NOX4: variants seen among roughly 807,000 people sequenced by gnomAD.
The protein encoded by NOX4 is NADPH oxidase 4.
In NOX4, 69 loss-of-function variants were observed where a neutral mutation model predicts 87.6. The ratio of observed to expected loss-of-function variants is 0.79; its 90% CI spans 0.65 to 0.96. The LOEUF (loss-of-function observed/expected upper bound fraction) is 0.96. NOX4 is among the 40% of genes least tolerant of loss of function. The pLI is 0.00. For missense variants in NOX4, 680 were observed against 681.5 expected (o/e 1.00, Z 0.02); for synonymous variants, 275 against 238.2 (o/e 1.15, Z -1.42).
At chr11:89,354,390 C>T (rs2134973316) in intron 13 of NOX4, among the ~76,000 whole-genome samples, 1 of 152,166 alleles carries the variant, frequency 6.6e-6, no homozygotes, top group East Asian at 1.9e-4. Flanking sequence ...AGGCATATTC[C>T]TTCAACAAGG....
In NOX4 at chr11:89,360,755, G is replaced by GA. The variant is rs528496828; in HGVS notation, c.1136-5713dup. Reference sequence around the variant, plus strand: ...ACAAGGAATTAAAACAAATCAACAAGAAAAAAACAAATAATCCCATCAAAA... The same window carrying GA: ...ACAAGGAATTAAAACAAATCAACAAGAAAAAAAACAAATAATCCCATCAAAA... On this transcript the variant is annotated intron_variant, in intron 12 of 17. Coordinates refer to ENST00000263317, the MANE Select transcript of NOX4 (RefSeq NM_016931.5). 2.0e-3 allele frequency among the ~76,000 whole-genome samples: 297 copies of GA among 151,858 alleles called. 3 individuals carry two copies. The highest frequency in any genetic ancestry group is 6.9e-3 in the African/African-American group (287 of 41,438).
At chr11:89,410,632 C>T (rs773111632) in intron 8 of NOX4, among the ~76,000 whole-genome samples, 1 of 152,174 alleles carries the variant, frequency 6.6e-6, no homozygotes, top group Non-Finnish European at 1.5e-5. Context: ...TGAAAAGCAA[C>T]ACCAGGAGGA....
At chr11:89,466,244 T>C (rs997665836) in intron 2 of NOX4, among the ~76,000 whole-genome samples, 12 of 152,252 alleles carry the variant, frequency 7.9e-5, no homozygotes, top group African/African-American at 2.9e-4. Context: ...CCATTTAAAG[T>C]AAGTTATTGA....
At chr11:89,470,348 A>G (rs1945878320) in intron 2 of NOX4, among the ~76,000 whole-genome samples, 1 of 152,152 alleles carries the variant, frequency 6.6e-6, no homozygotes, top group African/African-American at 2.4e-5. Context: ...GTATAAACTG[A>G]GCTTTATTTC....
At chr11:89,486,064 T>G (rs927302801) in intron 2 of NOX4, among the ~76,000 whole-genome samples, 1 of 152,036 alleles carries the variant, frequency 6.6e-6, no homozygotes, top group African/African-American at 2.4e-5. Context: ...AATTAAGATC[T>G]TATTTTTTCT....
At chr11:89,567,422 C>T in the NOX4 span, among the ~76,000 whole-genome samples, 4 of 152,158 alleles carry the variant, frequency 2.6e-5, no homozygotes, top group African/African-American at 7.2e-5. Flanking sequence ...CCAGTCTATT[C>T]GTTCATTCTC....
At chr11:89,365,070 T>G (rs1252013210) in intron 12 of NOX4, among the ~76,000 whole-genome samples, 1 of 152,110 alleles carries the variant, frequency 6.6e-6, no homozygotes, top group Admixed American at 6.6e-5. Context: ...TACTTTCTTC[T>G]TGCCTAAGGA....
chr11:89,524,088 T>C, the NOX4 span, among the ~76,000 whole-genome samples: 1 of 152,212 alleles, frequency 6.6e-6, no homozygotes, highest in Admixed American at 6.5e-5. Context: ...TTTATGGATA[T>C]ACAAATCTGT....
At chr11:89,376,840 C>G (rs1159886041) in intron 11 of NOX4, among the ~76,000 whole-genome samples, 2 of 152,152 alleles carry the variant, frequency 1.3e-5, no homozygotes, top group African/African-American at 4.8e-5. Flanking sequence ...TGAGATCACG[C>G]CACTGCACTC....
the NOX4 span, among the ~76,000 whole-genome samples, chr11:89,584,905 G>A: frequency 3.3e-5 from 5 of 152,206 alleles, no homozygotes; most frequent in South Asian, 1.0e-3. Context: ...TACAATGATT[G>A]TCTTCATTTT....
At chr11:89,557,975 CA>C in the NOX4 span, among the ~76,000 whole-genome samples, 2 of 152,030 alleles carry the variant, frequency 1.3e-5, no homozygotes. Flanking sequence ...ACATTTGTGA[CA>C]GGGTTAAGTT....
intron 2 of NOX4, among the ~76,000 whole-genome samples, chr11:89,466,283 C>G (rs894453491): frequency 1.3e-5 from 2 of 152,166 alleles, no homozygotes; most frequent in African/African-American, 4.8e-5. Context: ...ATACCAAGCA[C>G]ATGGTTATTT....
the NOX4 span, among the ~76,000 whole-genome samples, chr11:89,580,089 G>C: frequency 6.6e-6 from 1 of 152,202 alleles, no homozygotes; most frequent in South Asian, 2.1e-4. Context: ...AGCGGGTTTT[G>C]TGTAAGAGCT....
At position 89,444,251 on chromosome 11, in the gene NOX4, G is replaced by T; in HGVS notation, c.350-19C>A. ...TGCACGCCTACAGAATTACACCAGG[G>T]GTAAGTTAGTGGGATTTGCATATAT... On this transcript the variant is annotated intron_variant, in intron 4 of 17. Coordinates refer to ENST00000263317, the MANE Select transcript of NOX4 (RefSeq NM_016931.5). The T allele has an allele frequency of 1.2e-6, 2 of 1,604,532 alleles. No homozygotes were observed. Among genetic ancestry groups the T allele is most frequent in the Non-Finnish European group, 1.7e-6 (2 of 1,171,832 alleles).
chr11:89,454,183 T>C (rs1303353579), intron 2 of NOX4, among the ~76,000 whole-genome samples: 2 of 152,172 alleles, frequency 1.3e-5, no homozygotes, highest in Non-Finnish European at 2.9e-5. Context: ...GAATTTTTTA[T>C]GTTTTAACCT....
chr11:89,537,708 T>C, the NOX4 span, among the ~76,000 whole-genome samples: 3 of 152,112 alleles, frequency 2.0e-5, no homozygotes, highest in African/African-American at 7.2e-5. Context: ...ATCGATCACA[T>C]ATTAACTCTT....
chr11:89,534,638 G>A, the NOX4 span, among the ~76,000 whole-genome samples: 29 of 152,366 alleles, frequency 1.9e-4, no homozygotes, highest in Middle Eastern at 6.8e-3. Flanking sequence ...CTCTAAGTGA[G>A]TGAGAGTGCT....
At chr11:89,528,447 T>C in the NOX4 span, among the ~76,000 whole-genome samples, 1 of 152,140 alleles carries the variant, frequency 6.6e-6, no homozygotes, top group African/African-American at 2.4e-5. Flanking sequence ...CAGATTTGTG[T>C]CCCCACCCAA....
intron 8 of NOX4, among the ~76,000 whole-genome samples, chr11:89,409,922 A>C (rs550968704): frequency 2.0e-5 from 3 of 152,196 alleles, no homozygotes; most frequent in African/African-American, 4.8e-5. Context: ...AAGTGAAATA[A>C]AACAAATCAG....
Sources: gnomAD v4.1 joint callset for allele counts (sites outside exome capture counted in the v4.1 genomes callset) on GRCh38, gnomAD v4.1.1 for gene constraint, MANE v1.5 for transcripts, NCBI Gene and HGNC (gene_info 2026-07-23, HGNC 2026-07-21) for gene names.